NLN: variants seen among roughly 807,000 people sequenced by gnomAD.
NLN encodes neurolysin, mitochondrial.
NLN carries 64 observed loss-of-function variants against 79.9 expected under a neutral mutation model. The ratio of observed to expected loss-of-function variants is 0.80; its 90% CI spans 0.65 to 0.99. NLN has a LOEUF of 0.99. Among genes scored for constraint, NLN ranks in the 50% least tolerant of loss-of-function variants. The pLI is 0.00. For synonymous variants in NLN, 267 were observed against 296.6 expected (o/e 0.90, Z 1.02); for missense variants, 835 against 858.7 (o/e 0.97, Z 0.34).
chr5:65,800,988 T>C (rs1259453748), intron 9 of NLN, among the ~76,000 whole-genome samples: 2 of 152,164 alleles, frequency 1.3e-5, no homozygotes, highest in Admixed American at 1.3e-4. Flanking sequence ...CCACTGTGCC[T>C]GGCCAAAATC....
In NLN at chr5:65,780,120, C is replaced by G. The variant is rs1759765420; in HGVS notation, c.559-59C>G. The G allele has an allele frequency of 6.6e-6, 5 of 752,598 alleles. No individual in the cohort carries two copies. The Admixed American group carries it at 9.0e-5, about 14-fold the overall frequency. 46.6% of individuals were successfully genotyped at this position (752,598 alleles called of 1,614,324 possible). A position where few individuals can be genotyped will look rare whatever the true frequency, so the allele number is the denominator to read the frequency against. ...GGATTACAGGTGTGGGCCACCGTGCCTGGCAAAAAATGAGTTTCTTTTTAT... is the reference window on the plus strand; with the variant it reads ...GGATTACAGGTGTGGGCCACCGTGCGTGGCAAAAAATGAGTTTCTTTTTAT... On this transcript the variant is annotated intron_variant, in intron 4 of 12. Transcript: ENST00000380985.
At chr5:65,765,999 A>AT (rs1433405854) in intron 3 of NLN, among the ~76,000 whole-genome samples, 1 of 152,212 alleles carries the variant, frequency 6.6e-6, no homozygotes, top group African/African-American at 2.4e-5. Flanking sequence ...CTATTGATGC[A>AT]TAACATATTA....
At chr5:65,815,454 G>A (rs1422628778) in intron 12 of NLN, among the ~76,000 whole-genome samples, 1 of 152,216 alleles carries the variant, frequency 6.6e-6, no homozygotes, top group Non-Finnish European at 1.5e-5. Context: ...GTTAAAACTT[G>A]TGATGTTGAA....
chr5:65,727,829 T>G (rs771357353), intron 1 of NLN, among the ~76,000 whole-genome samples: 19 of 152,172 alleles, frequency 1.2e-4, no homozygotes, highest in Non-Finnish European at 1.8e-4. Flanking sequence ...TACAGTGGCA[T>G]GATCTCGGCT....
Position 65,824,145 on chromosome 5 carries a change from A to T in NLN, c.*1230A>T, listed in dbSNP as rs879489475. The stretch of plus-strand genomic sequence containing the variant: ...AAACCAAGACAGGATAATAAAATTT[A>T]AAAAAAAAACAACTTTGAATTCCCC... On this transcript the variant is annotated 3_prime_UTR_variant, in exon 13 of 13. Transcript: ENST00000380985. 2.7e-5 allele frequency: 4 copies of T among 149,330 alleles called. No homozygotes were observed. The highest frequency in any genetic ancestry group is 6.0e-5 in the Non-Finnish European group (4 of 67,026). 9.3% of individuals were successfully genotyped at this position (149,330 alleles called of 1,614,324 possible).
At chr5:65,770,652 A>G (rs1759547488) in intron 3 of NLN, among the ~76,000 whole-genome samples, 1 of 152,194 alleles carries the variant, frequency 6.6e-6, no homozygotes, top group Non-Finnish European at 1.5e-5. Context: ...ACAACCTAGC[A>G]CATCCTCCCA....
At chr5:65,774,766 C>T (rs1386770126) in intron 3 of NLN, among the ~76,000 whole-genome samples, 2 of 149,886 alleles carry the variant, frequency 1.3e-5, no homozygotes, top group Non-Finnish European at 3.0e-5. Context: ...ACTCCGTCAC[C>T]TGGGCCAGAA....
chr5:65,738,980 T>TAA (rs1429675157), intron 1 of NLN, among the ~76,000 whole-genome samples: 1 of 28,300 alleles, frequency 3.5e-5, no homozygotes, highest in Non-Finnish European at 6.9e-5. Flanking sequence ...AATATATATA[T>TAA]TATATATTTA....
At chr5:65,732,178 G>A (rs887681698) in intron 1 of NLN, among the ~76,000 whole-genome samples, 3 of 152,242 alleles carry the variant, frequency 2.0e-5, no homozygotes, top group South Asian at 2.1e-4. Context: ...AATCAACACC[G>A]AAACTGCAAA....
chr5:65,766,251 C>T (rs1659123406), intron 3 of NLN, among the ~76,000 whole-genome samples: 1 of 152,126 alleles, frequency 6.6e-6, no homozygotes. Context: ...GTACCTGAGA[C>T]TGGGTAATTT....
chr5:65,812,592 A>T (rs1031199905), intron 12 of NLN, among the ~76,000 whole-genome samples: 3 of 152,328 alleles, frequency 2.0e-5, no homozygotes, highest in African/African-American at 7.2e-5. Context: ...TTTAAAAAAA[A>T]CTAGTATATT....
At chr5:65,751,856 A>G (rs16894292) in intron 1 of NLN, among the ~76,000 whole-genome samples, 3,087 of 152,020 alleles carry the variant, frequency 0.02, 110 homozygotes, top group African/African-American at 0.072. Context: ...TGATGATGAT[A>G]TTATTTTGGA....
chr5:65,792,303 T>C (rs559943103), intron 8 of NLN, 151 bp from the exon 9 acceptor site: 4 of 581,720 alleles, frequency 6.9e-6, no homozygotes, highest in Non-Finnish European at 1.2e-5. Flanking sequence ...GTTTTTCCAT[T>C]TTAGCAAAAT....
chr5:65,751,628 A>G (rs1759103991), intron 1 of NLN, among the ~76,000 whole-genome samples: 3 of 152,234 alleles, frequency 2.0e-5, no homozygotes, highest in Admixed American at 2.0e-4. Context: ...TGATGAGAGG[A>G]AGTAGAGGAC....
chr5:65,736,468 C>A (rs1172586618), intron 1 of NLN, among the ~76,000 whole-genome samples: 2 of 152,182 alleles, frequency 1.3e-5, no homozygotes, highest in African/African-American at 4.8e-5. Context: ...ACATTCTCAA[C>A]TTTACCAAAT....
chr5:65,760,896 C>G (rs1468176703), intron 2 of NLN, among the ~76,000 whole-genome samples: 2 of 152,144 alleles, frequency 1.3e-5, no homozygotes, highest in Non-Finnish European at 2.9e-5. Context: ...AGCATACTTT[C>G]AAGTTTGTGA....
chr5:65,749,006 C>T (rs1389934166), intron 1 of NLN, among the ~76,000 whole-genome samples: 1 of 152,170 alleles, frequency 6.6e-6, no homozygotes, highest in Admixed American at 6.5e-5. Context: ...GAATAAGTCT[C>T]ACGAGATCTG....
chr5:65,748,074 G>A (rs776160347), intron 1 of NLN, among the ~76,000 whole-genome samples: 5 of 152,190 alleles, frequency 3.3e-5, no homozygotes, highest in Non-Finnish European at 4.4e-5. Flanking sequence ...AGTGGCACAC[G>A]CCTGTAATCC....
intron 12 of NLN, among the ~76,000 whole-genome samples, chr5:65,814,026 G>A (rs943302306): frequency 6.6e-6 from 1 of 152,024 alleles, no homozygotes; most frequent in Non-Finnish European, 1.5e-5. Context: ...GATGTCTCTA[G>A]CTCCAGGAGT....
Sources: gnomAD v4.1 joint callset for allele counts (sites outside exome capture counted in the v4.1 genomes callset) on GRCh38, gnomAD v4.1.1 for gene constraint, MANE v1.5 for transcripts, NCBI Gene and HGNC (gene_info 2026-07-23, HGNC 2026-07-21) for gene names.